G3BP2: variants seen among roughly 807,000 people sequenced by gnomAD.
The protein encoded by G3BP2 is ras GTPase-activating protein-binding protein 2.
G3BP2 carries 11 observed loss-of-function variants against 56.7 expected under a neutral mutation model. That is an observed-to-expected ratio of 0.19 (90% CI 0.12 to 0.32). The LOEUF (loss-of-function observed/expected upper bound fraction) is 0.32. G3BP2 is among the 10% of genes least tolerant of loss of function. G3BP2 has a pLI of 1.00. For synonymous variants in G3BP2, 165 were observed against 191.6 expected, an observed-to-expected ratio of 0.86 and a Z score of 1.15; for missense variants, 340 against 610.9, an observed-to-expected ratio of 0.56 and a Z score of 4.67.
At chr4:75,645,812 G>T in intron 11 of G3BP2, 110 bp from the exon 12 acceptor site, 1 of 901,994 alleles carries the variant, frequency 1.1e-6, no homozygotes, top group Non-Finnish European at 1.7e-6. Flanking sequence ...ACTTTTATCA[G>T]CCCCCCACCC....
At chr4:75,716,035 A>C (rs1719914779) in intron 3 of G3BP2, among the ~76,000 whole-genome samples, 1 of 152,212 alleles carries the variant, frequency 6.6e-6, no homozygotes, top group African/African-American at 2.4e-5. Context: ...TACTTGGGAA[A>C]GAGAGAGCAC....
chr4:75,653,775 CTG>C (rs1731891275), intron 8 of G3BP2, among the ~76,000 whole-genome samples: 1 of 152,024 alleles, frequency 6.6e-6, no homozygotes, highest in Admixed American at 6.5e-5. Flanking sequence ...CCAACTTAAT[CTG>C]TATTTCACAC....
intron 3 of G3BP2, among the ~76,000 whole-genome samples, chr4:75,706,992 A>G (rs1013984411): frequency 1.3e-5 from 2 of 151,872 alleles, no homozygotes; most frequent in Non-Finnish European, 2.9e-5. Flanking sequence ...CAGGAGTTCG[A>G]GAGCAGCCTG....
At chr4:75,673,587 C>T (rs895967828), upstream of G3BP2, 4 of 1,231,762 alleles carry the variant, frequency 3.2e-6, no homozygotes, top group Admixed American at 4.2e-5. Context: ...CGCTCGCGCC[C>T]GGAAAGCCGG....
rs376004828 is a variant in G3BP2 at position 75,692,924 on chromosome 4, G to A, written c.-25+27953C>T. ...GTTTAGCCCTCACAGTGTTCAAAAC[G>A]TTTCTGAACTGATTGCTGGCTTTTA... is the stretch of plus-strand genomic sequence containing the variant. On this transcript the variant is annotated intron_variant, in intron 3 of 3. Coordinates refer to the G3BP2 transcript ENST00000499709. Among the ~76,000 whole-genome samples, 298 of 152,300 alleles carry A rather than the reference G, an allele frequency of 2.0e-3. 1 individual carries two copies. The highest frequency in any genetic ancestry group is 6.8e-3 in the African/African-American group (284 of 41,574).
At chr4:75,663,961 C>T (rs62321018) in intron 1 of G3BP2, among the ~76,000 whole-genome samples, 34,717 of 81,350 alleles carry the variant, frequency 0.43, 4,262 homozygotes, top group Middle Eastern at 0.56. Flanking sequence ...TCTTGGCTCA[C>T]TGCAACCTCT....
chr4:75,666,008 C>T (rs1380359176), intron 1 of G3BP2, among the ~76,000 whole-genome samples: 1 of 152,174 alleles, frequency 6.6e-6, no homozygotes, highest in Non-Finnish European at 1.5e-5. Context: ...AATTTCCCAT[C>T]ATATTCATAG....
Position 75,655,095 on chromosome 4 carries a change from G to A in G3BP2, c.697C>T (p.Pro233Ser). 6 of 1,612,874 alleles carry A rather than the reference G, an allele frequency of 3.7e-6. No individual in the cohort carries two copies. The South Asian group carries it at 6.6e-5, about 18-fold the overall frequency. The change falls in exon 7 of 12, where the codon CCT (proline) becomes TCT (serine). Residue 233 changes from proline to serine, a missense_variant. By Grantham distance (74) the Pro-to-Ser change is moderately conservative. Coordinates refer to ENST00000359707, the MANE Select transcript of G3BP2 (RefSeq NM_203505.3). ...GGTGGTTCTTGTGGCAGAGAAACAG[G>A]TTCTGCCGGAGGAGGAGTAGTAGAT... ...EKSTTPPPAE[P>S]VSLPQEPPKA...
At chr4:75,706,674 T>C (rs1158479305) in intron 3 of G3BP2, among the ~76,000 whole-genome samples, 2 of 101,052 alleles carry the variant, frequency 2.0e-5, no homozygotes, top group African/African-American at 3.3e-5. Flanking sequence ...CGAAACTCTA[T>C]CTCAAAAAAA....
At chr4:75,723,028 C>G (rs1347195764) in intron 1 of G3BP2, among the ~76,000 whole-genome samples, 1 of 152,154 alleles carries the variant, frequency 6.6e-6, no homozygotes, top group African/African-American at 2.4e-5. Flanking sequence ...TATACAGTAT[C>G]AATAACTGCA....
rs529840020 is a variant in G3BP2, at chr4:75,645,463, T to A, written c.1416A>T (p.Gln472His). The A allele has an allele frequency of 2.2e-5, 35 of 1,614,092 alleles. No homozygotes were observed. In the Admixed American group the frequency reaches 5.3e-4, roughly 25 times the overall value. ...GCTGTCCTGTGAAGCGGCCCTCCAT[T>A]TGCCCGGTTCCTCTTCCAGAGCCAA... Reference protein sequence around the residue: ...QKLGSGRGTGQMEGRFTGQRR With the variant: ...QKLGSGRGTGHMEGRFTGQRR The change falls in exon 12 of 12, where the codon CAA becomes CAT. Residue 472 changes from glutamine to histidine, a missense_variant. Physicochemically the swap from Gln to His is conservative, Grantham distance 24. This residue lies in a region of G3BP2 where 94 missense variants were observed against 173.8 expected (regional missense o/e 0.54). Coordinates refer to ENST00000359707, the MANE Select transcript of G3BP2 (RefSeq NM_203505.3).
intron 3 of G3BP2, among the ~76,000 whole-genome samples, chr4:75,700,806 A>G (rs1458782251): frequency 2.0e-5 from 3 of 151,994 alleles, no homozygotes; most frequent in Non-Finnish European, 4.4e-5. Context: ...GATGACCCTT[A>G]AAAGGGAGAA....
intron 1 of G3BP2, among the ~76,000 whole-genome samples, chr4:75,666,382 T>C (rs1464450234): frequency 1.3e-5 from 2 of 152,224 alleles, no homozygotes; most frequent in African/African-American, 2.4e-5. Context: ...TAACAGGTTA[T>C]ATAGAAAGCT....
rs1040177831 is a variant in G3BP2 at position 75,644,234 on chromosome 4, C to T, written c.*1196G>A. 4 of 152,440 alleles carry T rather than the reference C, an allele frequency of 2.6e-5. No homozygotes were observed. Among genetic ancestry groups the T allele is most frequent in the Admixed American group, 6.6e-5 (1 of 15,262 alleles). The allele number at this position is 152,440 out of a possible 1,614,324, so 9.4% of individuals were successfully genotyped here. A position where few individuals can be genotyped will look rare whatever the true frequency, so the allele number is the denominator to read the frequency against. On this transcript the variant is annotated 3_prime_UTR_variant, in exon 12 of 12. Coordinates refer to ENST00000359707, the MANE Select transcript of G3BP2 (RefSeq NM_203505.3). ...CAAGCCCTGAAGTGATATGTTTCAA[C>T]GTCCACATTCAGGCTAAGAGAAAAG...
chr4:75,683,734 T>G (rs1270963674), intron 3 of G3BP2, among the ~76,000 whole-genome samples: 3 of 152,194 alleles, frequency 2.0e-5, no homozygotes, highest in Non-Finnish European at 4.4e-5. Context: ...TGGCTGCTAG[T>G]GTCTGGCTCA....
chr4:75,705,375 T>C (rs1719507583), intron 3 of G3BP2, among the ~76,000 whole-genome samples: 1 of 152,254 alleles, frequency 6.6e-6, no homozygotes, highest in Non-Finnish European at 1.5e-5. Context: ...TGTTTTACCA[T>C]TTCAACAGAA....
intron 1 of G3BP2, among the ~76,000 whole-genome samples, chr4:75,666,810 G>A (rs1733074542): frequency 6.6e-6 from 1 of 152,048 alleles, no homozygotes; most frequent in African/African-American, 2.4e-5. Context: ...CTAGATCTGG[G>A]ACCTTCCATT....
rs1023717282 is a variant in G3BP2 at position 75,656,002 on chromosome 4, T to C, written c.443-132A>G. ...TTGACAATTTTCTTTCCTTTTTTTT[T>C]TTTTTTGAGATGGAGTCTTGTTCTG... On this transcript the variant is annotated intron_variant, in intron 5 of 11. Transcript: ENST00000359707. 3 of 592,220 alleles carry C rather than the reference T, an allele frequency of 5.1e-6. No homozygotes were observed. The Admixed American group carries it at 8.9e-5, about 18-fold the overall frequency. 36.7% of individuals were successfully genotyped at this position (592,220 alleles called of 1,614,324 possible).
chr4:75,694,415 C>T, intron 3 of G3BP2, among the ~76,000 whole-genome samples: 1 of 152,200 alleles, frequency 6.6e-6, no homozygotes, highest in Non-Finnish European at 1.5e-5. Flanking sequence ...TCCTGGCTAA[C>T]ATGGTGAAAC....
Sources: allele counts gnomAD v4.1 joint callset (sites outside exome capture counted in the v4.1 genomes callset), GRCh38; gene constraint gnomAD v4.1.1; regional missense constraint gnomAD v4.1.1; transcripts MANE v1.5; gene names NCBI Gene and HGNC (gene_info 2026-07-23, HGNC 2026-07-21).